Variants in TLE1 observed in about 807,000 individuals in gnomAD.
TLE1 encodes TLE family member 1, transcriptional corepressor.
TLE1 carries 21 observed loss-of-function variants against 89.8 expected under a neutral mutation model. The observed-to-expected ratio is 0.23, with a 90% confidence interval of 0.17 to 0.34. The LOEUF is 0.34. Among genes scored for constraint, TLE1 ranks in the 10% least tolerant of loss-of-function variants. TLE1 has a pLI of 1.00. For synonymous variants in TLE1, 447 were observed against 407.6 expected (o/e 1.10, Z -1.16); for missense variants, 795 against 1,031.2 (o/e 0.77, Z 3.14).
intron 14 of TLE1, among the ~76,000 whole-genome samples, chr9:81,608,998 G>A (rs1041065482): frequency 1.3e-5 from 2 of 151,856 alleles, no homozygotes; most frequent in African/African-American, 4.8e-5. Context: ...AACAACATTT[G>A]CAAAGATCTG....
chr9:81,634,308 G>A lies in TLE1; in HGVS notation c.373-7C>T, dbSNP rs1287317325. ...GAGCTTGCAACTGCTGCTGCTGTTG[G>A]TGGTGGTGGTGAGAGAGAAAAAGGA... On this transcript the variant is annotated splice_polypyrimidine_tract_variant and splice_region_variant and intron_variant, in intron 6 of 19. Coordinates refer to ENST00000376499, the MANE Select transcript of TLE1 (RefSeq NM_005077.5). The A allele has an allele frequency of 2.7e-6, 4 of 1,487,200 alleles. No individual in the cohort carries two copies. In the East Asian group the frequency reaches 9.9e-5, roughly 37 times the overall value. The allele number at this position is 1,487,200 out of a possible 1,614,324, so 92.1% of individuals were successfully genotyped here. A position where few individuals can be genotyped will look rare whatever the true frequency, so the allele number is the denominator to read the frequency against.
chr9:81,671,953 G>A (rs1431656799), intron 4 of TLE1, among the ~76,000 whole-genome samples: 1 of 152,162 alleles, frequency 6.6e-6, no homozygotes, highest in East Asian at 1.9e-4. Context: ...CCCAAGCACT[G>A]TAAATGAGCC....
rs752193991 is a variant in TLE1, at chr9:81,616,119, G to T, written c.781C>A (p.Arg261=). 1.2e-6 allele frequency: 2 copies of T among 1,612,444 alleles called. No individual in the cohort carries two copies. Among genetic ancestry groups the T allele is most frequent in the South Asian group, 2.2e-5 (2 of 90,666 alleles). Residue 261 remains arginine, a synonymous_variant, in exon 11 of 20, where the codon CGA becomes AGA. Coordinates refer to ENST00000376499, the MANE Select transcript of TLE1 (RefSeq NM_005077.5). ...CGGGGCGAGTGGGCAGGGCTTGCTC[G>T]CGGAGAAGAAGGGTCCTCAACAAGC... The part of the protein sequence containing the change: ...DVSNEDPSSP[R]ASPAHSPREN...
chr9:81,672,261 T>C (rs990351142), intron 4 of TLE1, among the ~76,000 whole-genome samples: 5 of 152,018 alleles, frequency 3.3e-5, no homozygotes, highest in African/African-American at 9.7e-5. Flanking sequence ...GGATTAAGAG[T>C]AAACAGCCTA....
chr9:81,595,750 C>T (rs815858), intron 14 of TLE1, among the ~76,000 whole-genome samples: 23,888 of 146,904 alleles, frequency 0.16, 2,440 homozygotes, highest in Middle Eastern at 0.26. Context: ...ACCTGGGAGG[C>T]GGAGCTTGTG....
chr9:81,623,345 T>G (rs1825516905), intron 8 of TLE1, among the ~76,000 whole-genome samples: 1 of 152,174 alleles, frequency 6.6e-6, no homozygotes, highest in African/African-American at 2.4e-5. Context: ...ACCTGGGTAT[T>G]GACTAAATTG....
At chr9:81,633,589 T>G in intron 7 of TLE1, 1 of 611,474 alleles carries the variant, frequency 1.6e-6, no homozygotes. Flanking sequence ...CAAAGCCTAT[T>G]TTTTTATTTC....
chr9:81,674,477 T>C (rs1308426064), intron 4 of TLE1, among the ~76,000 whole-genome samples: 1 of 152,190 alleles, frequency 6.6e-6, no homozygotes, highest in African/African-American at 2.4e-5. Flanking sequence ...CTTACCCCCT[T>C]ACCACCCAAG....
intron 6 of TLE1, among the ~76,000 whole-genome samples, chr9:81,646,979 T>C (rs1455964261): frequency 6.6e-6 from 1 of 152,056 alleles, no homozygotes; most frequent in Admixed American, 6.6e-5. Flanking sequence ...TAAGTCAGAC[T>C]ACATCCAAAT....
At chr9:81,667,637 T>G (rs541775833) in intron 4 of TLE1, among the ~76,000 whole-genome samples, 5 of 152,104 alleles carry the variant, frequency 3.3e-5, no homozygotes, top group African/African-American at 1.2e-4. Flanking sequence ...TTGATATATG[T>G]ATCAAAGCCA....
chr9:81,658,083 T>A (rs1470839210), intron 4 of TLE1, among the ~76,000 whole-genome samples: 1 of 151,854 alleles, frequency 6.6e-6, no homozygotes, highest in East Asian at 1.9e-4. Context: ...GCTAATTTTT[T>A]GTATTTTTAG....
intron 6 of TLE1, among the ~76,000 whole-genome samples, chr9:81,639,580 T>G (rs1231720405): frequency 6.8e-6 from 1 of 148,124 alleles, no homozygotes; most frequent in Non-Finnish European, 1.5e-5. Flanking sequence ...AAGTTGTTTT[T>G]TTTTTTTGTT....
At chr9:81,684,855 G>A (rs1196795123) in intron 4 of TLE1, among the ~76,000 whole-genome samples, 3 of 152,128 alleles carry the variant, frequency 2.0e-5, no homozygotes, top group African/African-American at 7.2e-5. Flanking sequence ...GCTTTCTTTG[G>A]CAGACAATGA....
At chr9:81,650,211 G>C (rs767885851) in intron 6 of TLE1, among the ~76,000 whole-genome samples, 2 of 152,134 alleles carry the variant, frequency 1.3e-5, no homozygotes, top group African/African-American at 4.8e-5. Flanking sequence ...TTTATTCTCT[G>C]ATTCAGCTCA....
intron 4 of TLE1, among the ~76,000 whole-genome samples, chr9:81,675,059 A>G (rs1832709800): frequency 6.6e-6 from 1 of 152,138 alleles, no homozygotes; most frequent in Admixed American, 6.5e-5. Flanking sequence ...TATCAGTCTA[A>G]GCCAAGGTCG....
chr9:81,688,197 A>G lies in TLE1; in HGVS notation c.24+20T>C. On this transcript the variant is annotated intron_variant, in intron 1 of 19. Coordinates refer to ENST00000376499, the MANE Select transcript of TLE1 (RefSeq NM_005077.5). ...TCCCCAACGATCCTGGCCCCCCACC[A>G]CCACCCAGCCGCGCCTCACCGGGTG... is the stretch of plus-strand genomic sequence containing the variant. 6.3e-7 allele frequency: 1 copy of G among 1,598,076 alleles called. No individual in the cohort carries two copies. Among genetic ancestry groups the G allele is most frequent in the Non-Finnish European group, 8.5e-7 (1 of 1,172,456 alleles).
At chr9:81,666,595 C>T (rs555014952) in intron 4 of TLE1, among the ~76,000 whole-genome samples, 2 of 151,270 alleles carry the variant, frequency 1.3e-5, no homozygotes, top group Non-Finnish European at 2.9e-5. Flanking sequence ...ACTAACATGA[C>T]GAAACGCAGT....
chr9:81,684,876 G>A (rs567079691), intron 4 of TLE1, among the ~76,000 whole-genome samples: 3 of 152,252 alleles, frequency 2.0e-5, no homozygotes, highest in East Asian at 1.9e-4. Flanking sequence ...CTACTCAATC[G>A]AGGGTCCTTT....
chr9:81,680,872 G>A (rs1564079792), intron 4 of TLE1, among the ~76,000 whole-genome samples: 1 of 138,074 alleles, frequency 7.2e-6, no homozygotes, highest in East Asian at 2.1e-4. Flanking sequence ...GTGAGATGTT[G>A]ACTTAGGGGG....
Sources: gnomAD v4.1 joint callset for allele counts (sites outside exome capture counted in the v4.1 genomes callset) on GRCh38, gnomAD v4.1.1 for gene constraint, MANE v1.5 for transcripts, NCBI Gene and HGNC (gene_info 2026-07-23, HGNC 2026-07-21) for gene names.